Variants in TMEM202 observed in about 807,000 individuals in gnomAD.
TMEM202 encodes transmembrane protein 202.
In TMEM202, 25 loss-of-function variants were observed where a neutral mutation model predicts 26.1. The observed-to-expected ratio is 0.96, with a 90% CI of 0.70 to 1.34. The LOEUF (loss-of-function observed/expected upper bound fraction) is 1.34. Among genes scored for constraint, TMEM202 ranks in the 40% most tolerant of loss-of-function variants. The pLI is 0.00. For synonymous variants in TMEM202, 122 were observed against 119.0 expected (o/e 1.02, Z -0.16); for missense variants, 301 against 327.7 (o/e 0.92, Z 0.63).
At chr15:72,405,407 T>C (rs999879436) in intron 2 of TMEM202, among the ~76,000 whole-genome samples, 2 of 152,122 alleles carry the variant, frequency 1.3e-5, no homozygotes, top group African/African-American at 4.8e-5. Flanking sequence ...GATGGGGAAG[T>C]CGAAGAACCT....
At chr15:72,405,850 C>T (rs1263439598) in intron 2 of TMEM202, among the ~76,000 whole-genome samples, 2 of 152,006 alleles carry the variant, frequency 1.3e-5, no homozygotes, top group African/African-American at 2.4e-5. Context: ...ATTAGCCAGG[C>T]ATGGTGGCAT....
chr15:72,400,829 G>T (rs2063544032), intron 2 of TMEM202, among the ~76,000 whole-genome samples: 1 of 152,182 alleles, frequency 6.6e-6, no homozygotes, highest in Non-Finnish European at 1.5e-5. Flanking sequence ...GCTGCTGTTT[G>T]CCCATTTTAA....
At chr15:72,398,995 C>G in intron 2 of TMEM202, 87 bp downstream of exon 2, 1 of 1,506,654 alleles carries the variant, frequency 6.6e-7, no homozygotes, top group Non-Finnish European at 8.9e-7. Flanking sequence ...GTTTCTTCCT[C>G]CAAGATCTTT....
At chr15:72,406,151 C>T (rs548139113) in intron 2 of TMEM202, among the ~76,000 whole-genome samples, 3 of 151,584 alleles carry the variant, frequency 2.0e-5, no homozygotes, top group African/African-American at 7.3e-5. Context: ...AAGAAAAAAA[C>T]CCACATGATA....
rs1180276933 is a variant in TMEM202, at chr15:72,398,928, A to G, written c.337+20A>G. Reference sequence around the variant, plus strand: ...CACCCTGTGAGTGCCACCGAATTAAATGCCACAGGCCCCACACAATTGCAG... The same window carrying G: ...CACCCTGTGAGTGCCACCGAATTAAGTGCCACAGGCCCCACACAATTGCAG... On this transcript the variant is annotated intron_variant, in intron 2 of 4. Transcript: ENST00000341689. The G allele has an allele frequency of 1.9e-6, 3 of 1,595,476 alleles. No individual in the cohort carries two copies. The highest frequency in any genetic ancestry group is 1.7e-6 in the Non-Finnish European group (2 of 1,166,556).
At chr15:72,398,538 G>T in intron 1 of TMEM202, 115 bp from the exon 2 acceptor site, 1 of 1,450,334 alleles carries the variant, frequency 6.9e-7, no homozygotes. Flanking sequence ...TAGGAGTAGG[G>T]AAAAATATCT....
intron 2 of TMEM202, among the ~76,000 whole-genome samples, chr15:72,405,129 A>G (rs895972206): frequency 6.6e-6 from 1 of 152,218 alleles, no homozygotes; most frequent in African/African-American, 2.4e-5. Flanking sequence ...GGAGGCAGAT[A>G]TTAGACTGGA....
intron 2 of TMEM202, among the ~76,000 whole-genome samples, chr15:72,403,751 A>G (rs1438374850): frequency 6.6e-6 from 1 of 152,260 alleles, no homozygotes; most frequent in Non-Finnish European, 1.5e-5. Flanking sequence ...AAAGTTAACC[A>G]AATGCAGATG....
Position 72,407,982 on chromosome 15 carries a change from T to C in TMEM202, c.*89T>C. Reference sequence around the variant, plus strand: ...TAAATTCTGGGAAACTCTCCTAATATCATGTCCATATTACTTGAGGAGACA... The same window carrying C: ...TAAATTCTGGGAAACTCTCCTAATACCATGTCCATATTACTTGAGGAGACA... On this transcript the variant is annotated 3_prime_UTR_variant, in exon 5 of 5. Transcript: ENST00000341689. 1 of 1,061,582 alleles carries C rather than the reference T, an allele frequency of 9.4e-7. No homozygotes were observed. Among genetic ancestry groups the C allele is most frequent in the Non-Finnish European group, 1.4e-6 (1 of 725,132 alleles). 65.8% of individuals were successfully genotyped at this position (1,061,582 alleles called of 1,614,324 possible). A position where few individuals can be genotyped will look rare whatever the true frequency, so the allele number is the denominator to read the frequency against.
intron 2 of TMEM202, among the ~76,000 whole-genome samples, chr15:72,404,195 C>T (rs1395684890): frequency 6.6e-6 from 1 of 152,116 alleles, no homozygotes; most frequent in East Asian, 1.9e-4. Flanking sequence ...GGGCAGATCG[C>T]TTGAGCTCAG....
chr15:72,406,026 G>A (rs1878548993), intron 2 of TMEM202, among the ~76,000 whole-genome samples: 1 of 152,052 alleles, frequency 6.6e-6, no homozygotes, highest in African/African-American at 2.4e-5. Flanking sequence ...AAAACCAATG[G>A]AACTAAACAA....
At position 72,406,600 on chromosome 15, in the gene TMEM202, A is replaced by C. The variant is rs1471582481; in HGVS notation, c.338-2A>C. 1 of 1,613,370 alleles carries C rather than the reference A, an allele frequency of 6.2e-7. No homozygotes were observed. The highest frequency in any genetic ancestry group is 1.3e-5 in the African/African-American group (1 of 74,858). The stretch of plus-strand genomic sequence containing the variant: ...GGTCTTCCTTTCCTCTTCTTCATGC[A>C]GATTATCTCCAATATTCCAGGGCCT... On this transcript the variant is annotated splice_acceptor_variant, in intron 2 of 4. Transcript: ENST00000341689. LOFTEE classifies it high-confidence loss of function.
intron 1 of TMEM202, 79 bp from the exon 2 acceptor site, chr15:72,398,574 T>C: frequency 6.4e-7 from 1 of 1,558,396 alleles, no homozygotes; most frequent in Non-Finnish European, 8.7e-7. Flanking sequence ...ATGGGAATGC[T>C]TGAGGTAGAG....
In TMEM202 at chr15:72,406,649, A is replaced by C; in HGVS notation, c.385A>C (p.Ile129Leu). 1 of 1,613,942 alleles carries C rather than the reference A, an allele frequency of 6.2e-7. No individual in the cohort carries two copies. Among genetic ancestry groups the C allele is most frequent in the Non-Finnish European group, 8.5e-7 (1 of 1,179,902 alleles). ...CTTCTTTCTCATCTCTGTCTTTACC[A>C]TACTTACTGGCCTTGGCTGGCTCTT... is the stretch of plus-strand genomic sequence containing the variant. ...RAFFLISVFT[I>L]LTGLGWLFSS... The change falls in exon 3 of 5, where the codon ATA (isoleucine) becomes CTA (leucine). Residue 129 changes from isoleucine to leucine, a missense_variant. By Grantham distance (5) the Ile-to-Leu change is conservative. Coordinates refer to ENST00000341689, the MANE Select transcript of TMEM202 (RefSeq NM_001080462.3).
chr15:72,406,708 C>A lies in TMEM202; in HGVS notation c.444C>A (p.Thr148=). 6.2e-7 allele frequency: 1 copy of A among 1,614,138 alleles called. No homozygotes were observed. The highest frequency in any genetic ancestry group is 8.5e-7 in the Non-Finnish European group (1 of 1,180,010). ...SSWILNRGSM[T]TNLDLKVSML... Reference sequence around the variant, plus strand: ...GGATCCTTAATCGAGGAAGCATGACCACCAACTTGGATCTGAAGGTATCCA... The same window carrying A: ...GGATCCTTAATCGAGGAAGCATGACAACCAACTTGGATCTGAAGGTATCCA... Residue 148 remains threonine, a synonymous_variant, in exon 3 of 5, where the codon ACC becomes ACA. Coordinates refer to ENST00000341689, the MANE Select transcript of TMEM202 (RefSeq NM_001080462.3).
intron 4 of TMEM202, 84 bp downstream of exon 4, chr15:72,407,301 A>G: frequency 6.8e-7 from 1 of 1,465,270 alleles, no homozygotes; most frequent in Non-Finnish European, 9.4e-7. Context: ...GAGAAATAGA[A>G]GCACTGACTG....
chr15:72,406,731 C>A lies in TMEM202; in HGVS notation c.467C>A (p.Ser156Tyr), dbSNP rs1173946136. The A allele has an allele frequency of 1.2e-6, 2 of 1,613,996 alleles. No individual in the cohort carries two copies. Among genetic ancestry groups the A allele is most frequent in the Non-Finnish European group, 1.7e-6 (2 of 1,180,008 alleles). ...SMTTNLDLKV[S>Y]MLSFISATCL... ...ACCACCAACTTGGATCTGAAGGTAT[C>A]CATGCTCAGCTTCATCTCAGGTACA... is the stretch of plus-strand genomic sequence containing the variant. Residue 156 changes from serine (S) to tyrosine (Y), a missense_variant, in exon 3 of 5, where the codon TCC becomes TAC. Transcript: ENST00000341689.
At chr15:72,398,938 C>G (rs2063535215) in intron 2 of TMEM202, 30 bp downstream of exon 2, 1 of 1,589,868 alleles carries the variant, frequency 6.3e-7, no homozygotes, top group Non-Finnish European at 8.6e-7. Context: ...ATGCCACAGG[C>G]CCCACACAAT....
chr15:72,407,003 T>A, intron 3 of TMEM202, 83 bp from the exon 4 acceptor site: 1 of 1,564,600 alleles, frequency 6.4e-7, no homozygotes, highest in Non-Finnish European at 8.7e-7. Flanking sequence ...ACATATGGCC[T>A]CTGGAGGCCA....
Sources: allele counts gnomAD v4.1 joint callset (sites outside exome capture counted in the v4.1 genomes callset), GRCh38; gene constraint gnomAD v4.1.1; transcripts MANE v1.5; gene names NCBI Gene and HGNC (gene_info 2026-07-23, HGNC 2026-07-21).